ZNF831: variants seen among roughly 807,000 people sequenced by gnomAD.
ZNF831 encodes chromosome 20 open reading frame 174.
A neutral mutation model predicts 95.8 loss-of-function variants in ZNF831; 59 were observed. The ratio of observed to expected loss-of-function variants is 0.62; its 90% CI spans 0.50 to 0.77. ZNF831 has a LOEUF of 0.77. ZNF831 is among the 30% of genes least tolerant of loss of function. The probability of loss-of-function intolerance (pLI) is 0.00; values close to 1 mark genes in which losing one functional copy is unlikely to be tolerated. For missense variants in ZNF831, 2,205 were observed against 2,164.0 expected (o/e 1.02, Z -0.38); for synonymous variants, 961 against 925.5 (o/e 1.04, Z -0.70).
chr20:59,249,517 T>C (rs1987781161), intron 4 of ZNF831, among the ~76,000 whole-genome samples: 1 of 152,190 alleles, frequency 6.6e-6, no homozygotes, highest in African/African-American at 2.4e-5. Context: ...CTTCTCAGAC[T>C]CTTCAAGGTG....
intron 4 of ZNF831, among the ~76,000 whole-genome samples, 178 bp downstream of exon 4, chr20:59,207,234 G>T (rs1231595698): frequency 5.3e-5 from 8 of 152,216 alleles, no homozygotes; most frequent in Non-Finnish European, 1.2e-4. Context: ...CCCTAAACTA[G>T]TGGGGAGGGC....
chr20:59,242,999 T>G (rs1337901824), intron 4 of ZNF831, among the ~76,000 whole-genome samples: 1 of 152,222 alleles, frequency 6.6e-6, no homozygotes, highest in Non-Finnish European at 1.5e-5. Context: ...CCTATTTTGT[T>G]TTATCTTCAG....
At chr20:59,230,417 A>C (rs1986660518) in intron 4 of ZNF831, among the ~76,000 whole-genome samples, 1 of 152,166 alleles carries the variant, frequency 6.6e-6, no homozygotes, top group Admixed American at 6.5e-5. Context: ...GGTTGCAGTG[A>C]GCTGATATCA....
At chr20:59,175,431 T>A (rs1029022260) in intron 1 of ZNF831, among the ~76,000 whole-genome samples, 2 of 152,036 alleles carry the variant, frequency 1.3e-5, no homozygotes, top group African/African-American at 4.8e-5. Context: ...TTTATTTTTT[T>A]TAATTTTCAT....
chr20:59,229,895 C>T (rs1489330973), intron 4 of ZNF831, among the ~76,000 whole-genome samples: 1 of 152,038 alleles, frequency 6.6e-6, no homozygotes, highest in African/African-American at 2.4e-5. Flanking sequence ...AGCTCATTGT[C>T]TAGAACTGGG....
At chr20:59,138,969 C>T (rs1979593978) in intron 1 of ZNF831, among the ~76,000 whole-genome samples, 1 of 152,108 alleles carries the variant, frequency 6.6e-6, no homozygotes, top group South Asian at 2.1e-4. Flanking sequence ...GAGGTCCTCT[C>T]CGTCCATTTC....
intron 4 of ZNF831, among the ~76,000 whole-genome samples, chr20:59,236,001 T>C (rs560323443): frequency 1.3e-5 from 2 of 152,220 alleles, no homozygotes; most frequent in Non-Finnish European, 2.9e-5. Flanking sequence ...TTTTGCATAG[T>C]GAGGTTAAAA....
Position 59,258,430 on chromosome 20 carries a change from T to A in ZNF831, c.*3687T>A, listed in dbSNP as rs1988277090. The A allele has an allele frequency of 6.5e-6, 1 of 152,676 alleles. No individual in the cohort carries two copies. Among genetic ancestry groups the A allele is most frequent in the East Asian group, 1.9e-4 (1 of 5,200 alleles). 9.5% of individuals were successfully genotyped at this position (152,676 alleles called of 1,614,324 possible). ...CTTAGAATGATCACATTATTCATTT[T>A]TTTCCCCAGCACAGAAATTTGCATT... On this transcript the variant is annotated 3_prime_UTR_variant, in exon 6 of 6. Coordinates refer to ENST00000371030, the MANE Select transcript of ZNF831 (RefSeq NM_178457.3).
intron 4 of ZNF831, among the ~76,000 whole-genome samples, chr20:59,235,316 T>C (rs1188039955): frequency 2.0e-5 from 3 of 152,198 alleles, no homozygotes; most frequent in Admixed American, 1.3e-4. Flanking sequence ...GGGAGACTTT[T>C]GACCCACAGG....
rs766839702 is a variant in ZNF831 at position 59,148,410 on chromosome 20, G to A, written c.-1281+2036G>A. 5.4e-5 allele frequency among the ~76,000 whole-genome samples: 8 copies of A among 148,094 alleles called. 1 individual carries two copies. The highest frequency in any genetic ancestry group is 1.5e-5 in the Non-Finnish European group (1 of 66,706). On this transcript the variant is annotated intron_variant, in intron 2 of 7. Coordinates refer to the ZNF831 transcript ENST00000637017. ...GGGTTAGAACAGAGCGGCCGGGCGC[G>A]GTGGCTCACGCCTGTAATCCCAGCA...
chr20:59,148,562 C>G lies in ZNF831; in HGVS notation c.-1281+2188C>G, dbSNP rs1271134736. 2.9e-5 allele frequency among the ~76,000 whole-genome samples: 4 copies of G among 137,306 alleles called. 1 individual carries two copies. Among genetic ancestry groups the G allele is most frequent in the African/African-American group, 1.1e-4 (4 of 35,572 alleles). 90.1% of individuals were successfully genotyped at this position (137,306 alleles called of 152,430 possible). On this transcript the variant is annotated intron_variant, in intron 2 of 7. Coordinates refer to the ZNF831 transcript ENST00000637017. ...GGGCATGGTGGCGCGCGCCTGTAGT[C>G]CCAGCTACACGGGAGGCTGAGGCAG...
At chr20:59,138,139 T>G (rs1163662146) in intron 1 of ZNF831, among the ~76,000 whole-genome samples, 2 of 152,218 alleles carry the variant, frequency 1.3e-5, no homozygotes, top group African/African-American at 2.4e-5. Context: ...GGAAGACTAA[T>G]TAAATGATTG....
At chr20:59,203,403 A>T (rs1434714605) in intron 3 of ZNF831, among the ~76,000 whole-genome samples, 1 of 152,170 alleles carries the variant, frequency 6.6e-6, no homozygotes, top group African/African-American at 2.4e-5. Flanking sequence ...CCACAGCCTC[A>T]CACTCCTGGC....
intron 4 of ZNF831, 58 bp downstream of exon 4, chr20:59,207,114 C>A: frequency 6.3e-7 from 1 of 1,583,042 alleles, no homozygotes; most frequent in South Asian, 1.1e-5. Flanking sequence ...CCGCCCAAGG[C>A]ATAGACACTG....
chr20:59,165,466 C>T (rs966362430), intron 1 of ZNF831, among the ~76,000 whole-genome samples: 2 of 152,168 alleles, frequency 1.3e-5, no homozygotes, highest in African/African-American at 4.8e-5. Context: ...GAAAACACAG[C>T]ATGGAGAGTT....
chr20:59,155,818 C>A (rs920709179), intron 2 of ZNF831, among the ~76,000 whole-genome samples: 1 of 152,164 alleles, frequency 6.6e-6, no homozygotes, highest in Non-Finnish European at 1.5e-5. Flanking sequence ...AGGAACAATT[C>A]TCCTCCTCTG....
rs906060047 is a variant in ZNF831 at position 59,257,597 on chromosome 20, A to G, written c.*2854A>G. On this transcript the variant is annotated 3_prime_UTR_variant, in exon 6 of 6. Coordinates refer to ENST00000371030, the MANE Select transcript of ZNF831 (RefSeq NM_178457.3). Reference sequence around the variant, plus strand: ...TCAGTATTATCAATTGATAACTACCACAGTTTTATACTCTGCAAGTGTGTA... The same window carrying G: ...TCAGTATTATCAATTGATAACTACCGCAGTTTTATACTCTGCAAGTGTGTA... The G allele has an allele frequency of 1.1e-4, 16 of 152,258 alleles. No individual in the cohort carries two copies. Among genetic ancestry groups the G allele is most frequent in the Non-Finnish European group, 8.8e-5 (6 of 68,046 alleles). The allele number at this position is 152,258 out of a possible 1,614,324, so 9.4% of individuals were successfully genotyped here.
At position 59,194,522 on chromosome 20, in the gene ZNF831, A is replaced by G. The variant is rs778435723; in HGVS notation, c.3503A>G (p.His1168Arg). ...CGGAGCCACAGCACCCGCAGTCCCCACAGCACCCAAAACCCCTTTCCCTCA... is the reference window on the plus strand; with the variant it reads ...CGGAGCCACAGCACCCGCAGTCCCCGCAGCACCCAAAACCCCTTTCCCTCA... Reference protein sequence around the residue: ...TSRSHSTRSPHSTQNPFPSLK... With the variant: ...TSRSHSTRSPRSTQNPFPSLK... The change falls in exon 2 of 6, where the codon CAC becomes CGC. Residue 1168 changes from histidine to arginine, a missense_variant. Physicochemically the swap from His to Arg is conservative, Grantham distance 29. Coordinates refer to ENST00000371030, the MANE Select transcript of ZNF831 (RefSeq NM_178457.3). The G allele has an allele frequency of 6.2e-7, 1 of 1,608,290 alleles. No individual in the cohort carries two copies. The highest frequency in any genetic ancestry group is 8.5e-7 in the Non-Finnish European group (1 of 1,177,232).
chr20:59,128,615 C>T (rs1183200956), intron 1 of ZNF831, among the ~76,000 whole-genome samples: 1 of 152,200 alleles, frequency 6.6e-6, no homozygotes, highest in Non-Finnish European at 1.5e-5. Context: ...GGGGGATGCA[C>T]CTGGCCTTTA....
Sources: allele counts gnomAD v4.1 joint callset (sites outside exome capture counted in the v4.1 genomes callset), GRCh38; gene constraint gnomAD v4.1.1; transcripts MANE v1.5; gene names NCBI Gene and HGNC (gene_info 2026-07-23, HGNC 2026-07-21).